PENK: variants seen among roughly 807,000 people sequenced by gnomAD.
PENK encodes the protein proenkephalin.
PENK carries 25 observed loss-of-function variants against 24.1 expected under a neutral mutation model. The ratio of observed to expected loss-of-function variants is 1.04; its 90% confidence interval spans 0.76 to 1.45. The LOEUF (loss-of-function observed/expected upper bound fraction) is 1.45. Among genes scored for constraint, PENK ranks in the 40% most tolerant of loss-of-function variants. PENK has a pLI of 0.00. For synonymous variants in PENK, 135 were observed against 130.3 expected (o/e 1.04, Z -0.24); for missense variants, 353 against 337.9 (o/e 1.04, Z -0.35).
intron 2 of PENK, chr8:56,446,216 T>G: frequency 2.0e-6 from 1 of 507,280 alleles, no homozygotes; most frequent in South Asian, 3.3e-5. Context: ...TTCCTGGGCG[T>G]CCGCGGCCCA....
rs770206752 is a variant in PENK, at chr8:56,446,148, G to C, written c.-3-192C>G. ...GTGGAGGCGACTCAGATCGCCTCGC[G>C]GTTCCCGGGATGGCGCGGTCGCCCC... On this transcript the variant is annotated intron_variant, in intron 2 of 3. Transcript: ENST00000451791. 1.3e-5 allele frequency: 8 copies of C among 615,196 alleles called. No individual in the cohort carries two copies. In the Admixed American group the frequency reaches 2.5e-4, roughly 19 times the overall value. The allele number at this position is 615,196 out of a possible 1,614,324, so 38.1% of individuals were successfully genotyped here.
chr8:56,444,011 C>G (rs1177597206), intron 3 of PENK: 1 of 701,974 alleles, frequency 1.4e-6, no homozygotes, highest in South Asian at 1.5e-5. Flanking sequence ...CTTCTCCTCC[C>G]CCACAATCCT....
In PENK at chr8:56,441,851, C is replaced by T; in HGVS notation, c.225G>A (p.Glu75=). ...CKELLQLSKP[E]LPQDGTSTLR... ...GGGTGCTGGTGCCATCTTGAGGAAG[C>T]TCTGGTTTGGACAGCTGCAGGAGCT... The change falls in exon 4 of 4, where the codon GAG becomes GAA. Residue 75 remains glutamate (E), a synonymous_variant. Coordinates refer to ENST00000451791, the MANE Select transcript of PENK (RefSeq NM_001135690.3). 6.2e-7 allele frequency: 1 copy of T among 1,614,164 alleles called. No individual in the cohort carries two copies. Among genetic ancestry groups the T allele is most frequent in the Non-Finnish European group, 8.5e-7 (1 of 1,180,024 alleles).
chr8:56,442,601 TG>T (rs1554567388), intron 3 of PENK, among the ~76,000 whole-genome samples: 29 of 60,754 alleles, frequency 4.8e-4, no homozygotes, highest in Non-Finnish European at 8.1e-4. Flanking sequence ...ACAGATCTTT[TG>T]TTTTTTTCCT....
At chr8:56,442,223 G>T (rs557599086) in intron 3 of PENK, among the ~76,000 whole-genome samples, 1 of 152,124 alleles carries the variant, frequency 6.6e-6, no homozygotes, top group African/African-American at 2.4e-5. Flanking sequence ...AATTTTCCAT[G>T]CAGTTTTAAC....
At position 56,441,236 on chromosome 8, in the gene PENK, C is replaced by T; in HGVS notation, c.*36G>A. On this transcript the variant is annotated 3_prime_UTR_variant, in exon 4 of 4. Transcript: ENST00000451791. ...TTTCCCACTGGAGGATGGAGGGAGG[C>T]TTGCTGGGGCCTGGGGCCACTAGTG... The T allele has an allele frequency of 7.0e-7, 1 of 1,436,468 alleles. No homozygotes were observed. Among genetic ancestry groups the T allele is most frequent in the Non-Finnish European group, 9.5e-7 (1 of 1,049,730 alleles). 89.0% of individuals were successfully genotyped at this position (1,436,468 alleles called of 1,614,324 possible).
rs1467417516 is a variant in PENK, at chr8:56,441,947, C to A, written c.139-10G>T. ...ATTCCATTACGCAAGCCTGGGAAAA[C>A]AATTTGATGTAATGATAAAAAGAAG... On this transcript the variant is annotated splice_polypyrimidine_tract_variant and intron_variant, in intron 3 of 3. Transcript: ENST00000451791. The A allele has an allele frequency of 2.5e-6, 4 of 1,587,018 alleles. No homozygotes were observed. Among genetic ancestry groups the A allele is most frequent in the Non-Finnish European group, 3.4e-6 (4 of 1,166,842 alleles).
intron 3 of PENK, among the ~76,000 whole-genome samples, chr8:56,444,378 G>C (rs1262891946): frequency 2.6e-5 from 4 of 152,218 alleles, no homozygotes; most frequent in Non-Finnish European, 4.4e-5. Flanking sequence ...GACATGTTGA[G>C]CAGGCAAAGC....
At chr8:56,446,268 G>C in intron 2 of PENK, 158 bp downstream of exon 2, 1 of 381,024 alleles carries the variant, frequency 2.6e-6, no homozygotes, top group Non-Finnish European at 4.7e-6. Flanking sequence ...AGGGGCGAGA[G>C]AGCGGGAGCC....
chr8:56,446,505 G>C (rs536068284), intron 1 of PENK, 24 bp from the exon 2 acceptor site: 1 of 153,486 alleles, frequency 6.5e-6, no homozygotes, highest in African/African-American at 2.4e-5. Context: ...AAGAAGGCAA[G>C]TGTGAGGAGG....
intron 3 of PENK, among the ~76,000 whole-genome samples, chr8:56,444,551 A>G (rs1224027110): frequency 1.3e-5 from 2 of 152,246 alleles, no homozygotes; most frequent in Non-Finnish European, 2.9e-5. Flanking sequence ...GGCATAGGTT[A>G]AAAGCTCATG....
In PENK at chr8:56,441,908, C is replaced by A; in HGVS notation, c.168G>T (p.Leu56=). The A allele has an allele frequency of 6.2e-7, 1 of 1,613,480 alleles. No individual in the cohort carries two copies. The highest frequency in any genetic ancestry group is 1.3e-5 in the African/African-American group (1 of 74,926). The change falls in exon 4 of 4, where the codon CTG becomes CTT. Residue 56 remains leucine, a synonymous_variant. Transcript: ENST00000451791. ...LACVMECEGK[L]PSLKIWETCK... is the part of the protein sequence containing the mutation. ...AGGTTTCCCAAATTTTCAGAGAAGG[C>A]AGTTTACCTTCACATTCCATTACGC...
At chr8:56,442,117 A>G (rs1804572267) in intron 3 of PENK, among the ~76,000 whole-genome samples, 180 bp from the exon 4 acceptor site, 2 of 152,170 alleles carry the variant, frequency 1.3e-5, no homozygotes, top group South Asian at 4.1e-4. Context: ...AAACAAATAA[A>G]ATTTGGAAAG....
At chr8:56,444,053 G>A (rs1032839755) in intron 3 of PENK, 26 of 695,540 alleles carry the variant, frequency 3.7e-5, no homozygotes, top group East Asian at 2.2e-4. Flanking sequence ...GAGAGAGGGA[G>A]AGAAGTCAAG....
chr8:56,446,055 G>A, intron 2 of PENK, 99 bp from the exon 3 acceptor site: 2 of 1,340,998 alleles, frequency 1.5e-6, no homozygotes, highest in Non-Finnish European at 1.0e-6. Flanking sequence ...GGGGATCGTC[G>A]AGCAAAAGCC....
At position 56,445,577 on chromosome 8, in the gene PENK, C is replaced by A. The variant is rs1348765748; in HGVS notation, c.138+239G>T. 6 of 627,108 alleles carry A rather than the reference C, an allele frequency of 9.6e-6. No homozygotes were observed. In the East Asian group the frequency reaches 1.6e-4, roughly 17 times the overall value. The allele number at this position is 627,108 out of a possible 1,614,324, so 38.8% of individuals were successfully genotyped here. On this transcript the variant is annotated intron_variant, in intron 3 of 3. Transcript: ENST00000451791. Reference sequence around the variant, plus strand: ...ACAAACTTGGTTTGTGCGGCGACACCGCTACCCTTACCGGTCCCCAGATAG... The same window carrying A: ...ACAAACTTGGTTTGTGCGGCGACACAGCTACCCTTACCGGTCCCCAGATAG...
intron 3 of PENK, chr8:56,443,759 A>G (rs918153725): frequency 2.4e-6 from 1 of 415,220 alleles, no homozygotes; most frequent in African/African-American, 2.0e-5. Flanking sequence ...CACTAAGTAA[A>G]CCTTTTGTCA....
In PENK at chr8:56,441,825, A is replaced by T; in HGVS notation, c.251T>A (p.Leu84His). The T allele has an allele frequency of 1.2e-6, 2 of 1,614,110 alleles. No homozygotes were observed. Among genetic ancestry groups the T allele is most frequent in the Non-Finnish European group, 1.7e-6 (2 of 1,180,020 alleles). ...TTCTTCCGGTTTGCTATTTTCTCTG[A>T]GGGTGCTGGTGCCATCTTGAGGAAG... Reference protein sequence around the residue: ...PELPQDGTSTLRENSKPEESH... With the variant: ...PELPQDGTSTHRENSKPEESH... Residue 84 changes from leucine to histidine, a missense_variant, in exon 4 of 4, where the codon CTC becomes CAC. Coordinates refer to ENST00000451791, the MANE Select transcript of PENK (RefSeq NM_001135690.3).
intron 3 of PENK, among the ~76,000 whole-genome samples, chr8:56,444,854 T>C (rs960763121): frequency 2.0e-5 from 3 of 152,168 alleles, no homozygotes; most frequent in African/African-American, 7.2e-5. Context: ...GCTTTTTAAG[T>C]CACCATAAAA....
Sources: gnomAD v4.1 joint callset for allele counts (sites outside exome capture counted in the v4.1 genomes callset) on GRCh38, gnomAD v4.1.1 for gene constraint, MANE v1.5 for transcripts, NCBI Gene and HGNC (gene_info 2026-07-23, HGNC 2026-07-21) for gene names.